BRI3BP: variants seen among roughly 807,000 people sequenced by gnomAD.
BRI3BP encodes BRI3-binding protein.
BRI3BP carries 7 observed loss-of-function variants against 15.8 expected under a neutral mutation model. The ratio of observed to expected loss-of-function variants is 0.44; its 90% CI spans 0.25 to 0.83. The LOEUF (loss-of-function observed/expected upper bound fraction) is 0.83, where lower values mean the gene tolerates loss of function less well. Among genes scored for constraint, BRI3BP ranks in the 40% least tolerant of loss-of-function variants. The probability of loss-of-function intolerance (pLI) is 0.20; values close to 1 mark genes in which losing one functional copy is unlikely to be tolerated. For missense variants in BRI3BP, 320 were observed against 339.3 expected, an observed-to-expected ratio of 0.94 and a Z score of 0.45; for synonymous variants, 192 against 163.5, an observed-to-expected ratio of 1.17 and a Z score of -1.33.
At chr12:125,040,464 C>T in the BRI3BP span, among the ~76,000 whole-genome samples, 1 of 151,338 alleles carries the variant, frequency 6.6e-6, no homozygotes, top group Admixed American at 6.6e-5. Flanking sequence ...CCTGCCTCAG[C>T]CTCCTGAGCA....
chr12:125,002,508 G>C (rs1318692985), intron 1 of BRI3BP, among the ~76,000 whole-genome samples: 1 of 150,322 alleles, frequency 6.7e-6, no homozygotes, highest in South Asian at 2.1e-4. Context: ...CCAGGCTGGA[G>C]TGCAGTGGCA....
chr12:124,994,271 G>C (rs897308385), intron 1 of BRI3BP, among the ~76,000 whole-genome samples: 3 of 152,058 alleles, frequency 2.0e-5, no homozygotes. Context: ...CGCAGCCAGA[G>C]TCTCTCCCGG....
At chr12:125,024,899 C>T (rs932526534) in intron 2 of BRI3BP, 92 bp from the exon 3 acceptor site, 4 of 1,183,198 alleles carry the variant, frequency 3.4e-6, no homozygotes, top group Non-Finnish European at 3.5e-6. Flanking sequence ...GCCTTTTAAG[C>T]CCCACAGGCC....
Position 125,025,419 on chromosome 12 carries a change from A to C in BRI3BP, c.745A>C (p.Lys249Gln), listed in dbSNP as rs756457853. 4 of 1,593,714 alleles carry C rather than the reference A, an allele frequency of 2.5e-6. No individual in the cohort carries two copies. In the African/African-American group the frequency reaches 5.4e-5, roughly 21 times the overall value. The change falls in exon 3 of 3, where the codon AAG becomes CAG. Residue 249 changes from lysine to glutamine, a missense_variant. Coordinates refer to ENST00000341446, the MANE Select transcript of BRI3BP (RefSeq NM_080626.6). ...GGTGCTCGAGAGCCTGGACCGCTCC[A>C]AGGACAAGTGAAGGTCAGCCGGCCG... ...NRVLESLDRSKDK is the reference protein window; with the variant it reads ...NRVLESLDRSQDK
At chr12:125,049,052 G>C in the BRI3BP span, among the ~76,000 whole-genome samples, 7 of 152,036 alleles carry the variant, frequency 4.6e-5, no homozygotes, top group African/African-American at 1.7e-4. Flanking sequence ...TCCACCTCCC[G>C]GGTTCAAGCG....
At chr12:125,012,719 A>G in intron 2 of BRI3BP, 83 bp downstream of exon 2, 1 of 1,075,560 alleles carries the variant, frequency 9.3e-7, no homozygotes, top group South Asian at 1.3e-5. Context: ...CACAGTGAGT[A>G]ATACATGAGA....
At chr12:125,020,991 G>A (rs373569154) in intron 2 of BRI3BP, among the ~76,000 whole-genome samples, 77 of 152,250 alleles carry the variant, frequency 5.1e-4, no homozygotes, top group African/African-American at 1.8e-3. Flanking sequence ...CCACATAAAC[G>A]AAAGCTCTGG....
At chr12:125,022,537 A>ATT (rs1391143992) in intron 2 of BRI3BP, among the ~76,000 whole-genome samples, 1 of 70,616 alleles carries the variant, frequency 1.4e-5, no homozygotes, top group African/African-American at 7.8e-5. Context: ...TTATTTATTT[A>ATT]TTTATTTTTT....
At chr12:125,024,678 A>G (rs1955332969) in intron 2 of BRI3BP, among the ~76,000 whole-genome samples, 1 of 152,094 alleles carries the variant, frequency 6.6e-6, no homozygotes, top group Non-Finnish European at 1.5e-5. Flanking sequence ...GCATGCCTGT[A>G]ATCCCAGCTA....
the BRI3BP span, among the ~76,000 whole-genome samples, chr12:125,037,895 G>C: frequency 6.6e-6 from 1 of 152,132 alleles, no homozygotes; most frequent in Non-Finnish European, 1.5e-5. Context: ...GTGAGAAAGT[G>C]TAAGTACACG....
chr12:125,008,663 C>T (rs1213049290), intron 1 of BRI3BP, among the ~76,000 whole-genome samples: 1 of 152,078 alleles, frequency 6.6e-6, no homozygotes, highest in East Asian at 1.9e-4. Flanking sequence ...GCAGCGGGAC[C>T]AGTTTTGTGG....
chr12:125,034,653 AATCTT>A, downstream of BRI3BP, among the ~76,000 whole-genome samples: 2 of 151,748 alleles, frequency 1.3e-5, no homozygotes, highest in Middle Eastern at 6.8e-3. Flanking sequence ...GCAGTGGCGC[AATCTT>A]GGCTCAGTGC....
At chr12:125,046,506 A>C in the BRI3BP span, among the ~76,000 whole-genome samples, 1 of 152,166 alleles carries the variant, frequency 6.6e-6, no homozygotes, top group African/African-American at 2.4e-5. Flanking sequence ...CAGAGGTTGC[A>C]GTGAGCTGAG....
chr12:124,995,983 G>A (rs141686307), intron 1 of BRI3BP, among the ~76,000 whole-genome samples: 92 of 152,228 alleles, frequency 6.0e-4, no homozygotes, highest in African/African-American at 2.2e-3. Flanking sequence ...GAGTGATCTC[G>A]TCTCACTACA....
At chr12:125,003,860 G>A (rs1955117342) in intron 1 of BRI3BP, among the ~76,000 whole-genome samples, 1 of 151,972 alleles carries the variant, frequency 6.6e-6, no homozygotes, top group South Asian at 2.1e-4. Flanking sequence ...GGCTGAGGCA[G>A]GAGAATTGCT....
the BRI3BP span, among the ~76,000 whole-genome samples, chr12:125,039,579 T>C: frequency 1.6e-4 from 24 of 152,342 alleles, no homozygotes; most frequent in South Asian, 3.1e-3. Context: ...ATTGCTCCCC[T>C]GTTTTTAGAT....
chr12:125,025,236 C>T lies in BRI3BP; in HGVS notation c.562C>T (p.Leu188=), dbSNP rs748007286. Reference sequence around the variant, plus strand: ...CGAGCCGGAGAACGCGGTGCTGCCGCTGTGCTTCGTGGTGGCCGTCTACTT... The same window carrying T: ...CGAGCCGGAGAACGCGGTGCTGCCGTTGTGCTTCGTGGTGGCCGTCTACTT... ...EGEPENAVLP[L]CFVVAVYFMT... Residue 188 remains leucine, a synonymous_variant, in exon 3 of 3, where the codon CTG becomes TTG. Coordinates refer to ENST00000341446, the MANE Select transcript of BRI3BP (RefSeq NM_080626.6). 14 of 1,614,146 alleles carry T rather than the reference C, an allele frequency of 8.7e-6. No homozygotes were observed. In the Admixed American group the frequency reaches 2.3e-4, roughly 27 times the overall value.
intron 1 of BRI3BP, among the ~76,000 whole-genome samples, chr12:125,011,625 T>A (rs1272813052): frequency 6.6e-6 from 1 of 152,138 alleles, no homozygotes; most frequent in African/African-American, 2.4e-5. Flanking sequence ...CGGAGGGGGA[T>A]TCCAGTTGCC....
chr12:125,013,089 T>C (rs1955210717), intron 2 of BRI3BP, among the ~76,000 whole-genome samples: 1 of 151,798 alleles, frequency 6.6e-6, no homozygotes, highest in Non-Finnish European at 1.5e-5. Context: ...TCTCAAATAA[T>C]CATAAAAATA....
Sources: allele counts gnomAD v4.1 joint callset (sites outside exome capture counted in the v4.1 genomes callset), GRCh38; gene constraint gnomAD v4.1.1; transcripts MANE v1.5; gene names NCBI Gene and HGNC (gene_info 2026-07-23, HGNC 2026-07-21).